Variants in PCDHGA4 observed in about 807,000 individuals in gnomAD.
PCDHGA4 encodes protocadherin gamma subfamily A, 4.
Under a neutral mutation model 54.6 loss-of-function variants are expected in PCDHGA4, and 38 were observed. That is an observed-to-expected ratio of 0.70 (90% CI 0.54 to 0.91). The LOEUF is 0.91. PCDHGA4 is among the 40% of genes least tolerant of loss of function. The pLI, the probability that PCDHGA4 is intolerant of heterozygous loss-of-function variation, is 0.00. For synonymous variants in PCDHGA4, 511 were observed against 512.9 expected (o/e 1.00, Z 0.05); for missense variants, 1,298 against 1,220.9 (o/e 1.06, Z -0.94).
chr5:141,376,794 C>T, intron 1 of PCDHGA4: 1 of 353,104 alleles, frequency 2.8e-6, no homozygotes, highest in East Asian at 6.1e-5. Flanking sequence ...TCACGCCATT[C>T]TCCTGCCTCA....
chr5:141,447,058 G>A (rs1356080567), intron 1 of PCDHGA4, among the ~76,000 whole-genome samples: 1 of 152,068 alleles, frequency 6.6e-6, no homozygotes, highest in Non-Finnish European at 1.5e-5. Flanking sequence ...ATTAAAATGT[G>A]TCAGGCTGTT....
rs776864431 is a variant in PCDHGA4 at position 141,365,544 on chromosome 5, TAAC to T, written c.2514+7927_2514+7929del. ...TCAGTTGATAATTACTATCACCTATTAACAACTAGGGACCTGGACAGAGAAGAG... is the reference window on the plus strand; with the variant it reads ...TCAGTTGATAATTACTATCACCTATTAACTAGGGACCTGGACAGAGAAGAG... On this transcript the variant is annotated intron_variant, in intron 1 of 3. Transcript: ENST00000571252. 1.9e-6 allele frequency: 3 copies of T among 1,613,800 alleles called. No individual in the cohort carries two copies. In the East Asian group the frequency reaches 6.7e-5, roughly 36 times the overall value.
chr5:141,383,626 T>C (rs747491955), intron 1 of PCDHGA4: 1 of 1,613,896 alleles, frequency 6.2e-7, no homozygotes, highest in Non-Finnish European at 8.5e-7. Context: ...GCCTGTCTTC[T>C]CTCTGCCTCA....
intron 1 of PCDHGA4, chr5:141,415,994 C>G: frequency 6.6e-6 from 2 of 303,006 alleles, no homozygotes; most frequent in East Asian, 6.9e-5. Context: ...GTTCTGAAGG[C>G]AGGTCTGGTA....
In PCDHGA4 at chr5:141,413,412, C is replaced by T. The variant is rs747352426; in HGVS notation, c.2514+55791C>T. ...TCTCCAGAGGTAGGACGCAGCTTTT[C>T]TCTCTGAACCCGCGCAGCGGCAGCT... On this transcript the variant is annotated intron_variant, in intron 1 of 3. Transcript: ENST00000571252. 5.6e-6 allele frequency: 9 copies of T among 1,613,954 alleles called. No individual in the cohort carries two copies. The African/African-American group carries it at 1.2e-4, about 22-fold the overall frequency.
rs150692324 is a variant in PCDHGA4 at position 141,431,149 on chromosome 5, G to T, written c.2515-63658G>T. 1.2e-6 allele frequency: 2 copies of T among 1,614,210 alleles called. No homozygotes were observed. Among genetic ancestry groups the T allele is most frequent in the Non-Finnish European group, 1.7e-6 (2 of 1,180,020 alleles). ...AAGTAAGGGACATTAACGACAATGC[G>T]CCTTACTTTCGTGAAAGTGAATTAG... On this transcript the variant is annotated intron_variant, in intron 1 of 3. Coordinates refer to ENST00000571252, the MANE Select transcript of PCDHGA4 (RefSeq NM_018917.4). This position sits in a 1 kb window ranked among gnomAD's most constrained non-coding sequence, Gnocchi z 4.8.
At chr5:141,436,104 G>A (rs368559994) in intron 1 of PCDHGA4, among the ~76,000 whole-genome samples, 10 of 152,086 alleles carry the variant, frequency 6.6e-5, no homozygotes, top group East Asian at 3.9e-4. Flanking sequence ...AGAAATAGAG[G>A]ACAATGAAAC....
At chr5:141,481,533 T>TG (rs1246139713) in intron 1 of PCDHGA4, among the ~76,000 whole-genome samples, 2 of 152,200 alleles carry the variant, frequency 1.3e-5, no homozygotes, top group Admixed American at 6.5e-5. Context: ...AATCTAGAGA[T>TG]GGGGCTGGGC....
At chr5:141,420,334 T>A in intron 1 of PCDHGA4, 1 of 1,402,910 alleles carries the variant, frequency 7.1e-7, no homozygotes, top group Non-Finnish European at 9.5e-7. Context: ...TATATTCCAA[T>A]ATAGTGGTAT....
At chr5:141,458,513 G>GT (rs537551567) in intron 1 of PCDHGA4, among the ~76,000 whole-genome samples, 9,886 of 146,106 alleles carry the variant, frequency 0.068, 671 homozygotes, top group African/African-American at 0.18. Flanking sequence ...TTGACACTTT[G>GT]TTTTTTTTTT....
chr5:141,390,746 T>C (rs1391007986), intron 1 of PCDHGA4: 1 of 172,782 alleles, frequency 5.8e-6, no homozygotes, highest in African/African-American at 2.4e-5. Context: ...TCCATAGTAG[T>C]CCACTGTTTT....
intron 1 of PCDHGA4, chr5:141,417,999 TG>T: frequency 6.2e-7 from 1 of 1,613,838 alleles, no homozygotes; most frequent in Non-Finnish European, 8.5e-7. Context: ...GGCTCGGTGG[TG>T]GGGAACCTCG....
At position 141,432,987 on chromosome 5, in the gene PCDHGA4, T is replaced by C. The variant is rs1259121931; in HGVS notation, c.2515-61820T>C. ...GCGCCGGCGTCGCACTTTGTGGGCGTGGACGGGGTGCAGGCTTTCCTGCAG... is the reference window on the plus strand; with the variant it reads ...GCGCCGGCGTCGCACTTTGTGGGCGCGGACGGGGTGCAGGCTTTCCTGCAG... On this transcript the variant is annotated intron_variant, in intron 1 of 3. Coordinates refer to ENST00000571252, the MANE Select transcript of PCDHGA4 (RefSeq NM_018917.4). The surrounding 1 kb of genome is among the most constrained non-coding windows in gnomAD (Gnocchi z 6.0). The C allele has an allele frequency of 3.7e-6, 6 of 1,614,174 alleles. No individual in the cohort carries two copies. Among genetic ancestry groups the C allele is most frequent in the Non-Finnish European group, 5.1e-6 (6 of 1,180,032 alleles).
chr5:141,355,798 C>G lies in PCDHGA4; in HGVS notation c.691C>G (p.Leu231Val), dbSNP rs1255489648. Residue 231 changes from leucine to valine, a missense_variant, in exon 1 of 4, where the codon CTA (leucine) becomes GTA (valine). By Grantham distance (32) the Leu-to-Val change is conservative. Coordinates refer to ENST00000571252, the MANE Select transcript of PCDHGA4 (RefSeq NM_018917.4). The part of the protein sequence containing the change: ...KYPELVLERA[L>V]DREEEAVHHL... Reference sequence around the variant, plus strand: ...CCCAGAGCTGGTGCTGGAACGCGCTCTAGATCGCGAGGAAGAGGCGGTTCA... The same window carrying G: ...CCCAGAGCTGGTGCTGGAACGCGCTGTAGATCGCGAGGAAGAGGCGGTTCA... The G allele has an allele frequency of 6.2e-7, 1 of 1,613,510 alleles. No homozygotes were observed. Among genetic ancestry groups the G allele is most frequent in the Non-Finnish European group, 8.5e-7 (1 of 1,179,686 alleles).
intron 1 of PCDHGA4, chr5:141,379,714 A>G (rs1315727028): frequency 6.6e-6 from 1 of 152,154 alleles, no homozygotes; most frequent in African/African-American, 2.4e-5. Flanking sequence ...CCTGGCAGTC[A>G]TGGAATTTGC....
At chr5:141,468,836 A>G (rs1286137807) in intron 1 of PCDHGA4, among the ~76,000 whole-genome samples, 1 of 152,170 alleles carries the variant, frequency 6.6e-6, no homozygotes, top group East Asian at 1.9e-4. Flanking sequence ...ACTGCACTCC[A>G]GCCTGGGCAA....
chr5:141,356,191 A>G lies in PCDHGA4; in HGVS notation c.1084A>G (p.Ser362Gly). The change falls in exon 1 of 4, where the codon AGC becomes GGC. Residue 362 changes from serine (S) to glycine (G), a missense_variant. Coordinates refer to ENST00000571252, the MANE Select transcript of PCDHGA4 (RefSeq NM_018917.4). ...AHDGPGLRARSKVLVTVLDEN... is the reference protein window; with the variant it reads ...AHDGPGLRARGKVLVTVLDEN... ...TGATGGGCCTGGTCTCCGAGCTAGAAGCAAGGTACTGGTGACAGTTCTGGA... is the reference window on the plus strand; with the variant it reads ...TGATGGGCCTGGTCTCCGAGCTAGAGGCAAGGTACTGGTGACAGTTCTGGA... The G allele has an allele frequency of 6.2e-7, 1 of 1,610,554 alleles. No homozygotes were observed. The highest frequency in any genetic ancestry group is 8.5e-7 in the Non-Finnish European group (1 of 1,178,178).
chr5:141,362,224 G>A (rs1762382542), intron 1 of PCDHGA4: 1 of 1,613,904 alleles, frequency 6.2e-7, no homozygotes, highest in African/African-American at 1.3e-5. Flanking sequence ...TGTGGCCTTG[G>A]CCTTGATCTC....
At chr5:141,366,636 T>C (rs374724936) in intron 1 of PCDHGA4, 12 of 1,614,240 alleles carry the variant, frequency 7.4e-6, no homozygotes, top group Non-Finnish European at 1.0e-5. Context: ...AGTCACCTGA[T>C]CTTTCCCCAG....
Sources: gnomAD v4.1 joint callset for allele counts (sites outside exome capture counted in the v4.1 genomes callset) on GRCh38, gnomAD v4.1.1 for gene constraint, Gnocchi (gnomAD v3.1) non-coding constraint, MANE v1.5 for transcripts, NCBI Gene and HGNC (gene_info 2026-07-23, HGNC 2026-07-21) for gene names.